Variants in SMG6 observed in about 807,000 individuals in gnomAD.
SMG6 encodes SMG6 nonsense mediated mRNA decay factor, also known as telomerase-binding protein EST1A.
In SMG6, 66 loss-of-function variants were observed where a neutral mutation model predicts 142.2. The observed-to-expected ratio is 0.46, with a 90% CI of 0.38 to 0.57. SMG6 has a LOEUF of 0.57. SMG6 is among the 20% of genes least tolerant of loss of function. The pLI, the probability that SMG6 is intolerant of heterozygous loss-of-function variation, is 0.00. For missense variants in SMG6, 1,793 were observed against 1,832.0 expected (o/e 0.98, Z 0.39); for synonymous variants, 779 against 702.4 (o/e 1.11, Z -1.72).
intron 15 of SMG6, among the ~76,000 whole-genome samples, chr17:2,069,988 A>C (rs1426755908): frequency 6.6e-6 from 1 of 152,210 alleles, no homozygotes; most frequent in South Asian, 2.1e-4. Context: ...TCATATGCTT[A>C]CTAGTGCAAG....
chr17:2,210,541 G>A (rs1301068916), intron 10 of SMG6, among the ~76,000 whole-genome samples: 1 of 151,908 alleles, frequency 6.6e-6, no homozygotes, highest in African/African-American at 2.4e-5. Flanking sequence ...TTGCGAGGGT[G>A]CACAGAGATG....
intron 15 of SMG6, among the ~76,000 whole-genome samples, chr17:2,076,755 A>G (rs1414546549): frequency 6.6e-6 from 1 of 152,188 alleles, no homozygotes; most frequent in Non-Finnish European, 1.5e-5. Flanking sequence ...TGTGGCTGTG[A>G]GGCTGGAGGA....
At chr17:2,223,832 G>C (rs988783858) in intron 10 of SMG6, among the ~76,000 whole-genome samples, 1 of 152,138 alleles carries the variant, frequency 6.6e-6, no homozygotes, top group Admixed American at 6.5e-5. Context: ...AGCTGGAAAA[G>C]AAACTAATCT....
chr17:2,204,516 TTAAAG>T (rs1045498750), intron 10 of SMG6, among the ~76,000 whole-genome samples: 3 of 152,126 alleles, frequency 2.0e-5, no homozygotes, highest in Non-Finnish European at 4.4e-5. Context: ...GCATCTAGTT[TTAAAG>T]TAGAGGTCAG....
intron 9 of SMG6, chr17:2,236,915 T>C (rs948889694): frequency 1.0e-6 from 1 of 958,718 alleles, no homozygotes; most frequent in Middle Eastern, 4.4e-4. Flanking sequence ...TGGTATGCTA[T>C]TTCCTCACCC....
intron 10 of SMG6, chr17:2,233,021 G>C (rs1488293590): frequency 6.6e-6 from 1 of 152,214 alleles, no homozygotes; most frequent in African/African-American, 2.4e-5. Context: ...TTTCCATCCT[G>C]GATTACTGAT....
chr17:2,201,670 C>A (rs553849628), intron 10 of SMG6, among the ~76,000 whole-genome samples: 2 of 133,398 alleles, frequency 1.5e-5, no homozygotes, highest in African/African-American at 2.9e-5. Context: ...CAAAGTGAGA[C>A]TTGATTCAAA....
chr17:2,064,822 G>A (rs2067890874), intron 18 of SMG6, among the ~76,000 whole-genome samples: 1 of 151,716 alleles, frequency 6.6e-6, no homozygotes, highest in Non-Finnish European at 1.5e-5. Flanking sequence ...GCGGGGTGAA[G>A]AACCTCGCGG....
intron 13 of SMG6, among the ~76,000 whole-genome samples, chr17:2,104,202 C>A (rs948203547): frequency 6.6e-6 from 1 of 152,070 alleles, no homozygotes; most frequent in Non-Finnish European, 1.5e-5. Context: ...CCGCCCACCT[C>A]GGCCTCCCAA....
intron 6 of SMG6, among the ~76,000 whole-genome samples, chr17:2,292,026 A>G (rs542672306): frequency 2.0e-5 from 3 of 152,184 alleles, no homozygotes; most frequent in South Asian, 4.1e-4. Flanking sequence ...CATTACAGAC[A>G]TATTTAGAGC....
At chr17:2,081,695 C>T (rs1322680073) in intron 15 of SMG6, 115 bp downstream of exon 15, 3 of 1,259,086 alleles carry the variant, frequency 2.4e-6, no homozygotes, top group African/African-American at 1.5e-5. Flanking sequence ...AGAGAGAACA[C>T]TGCAGGACTG....
chr17:2,092,791 G>A (rs1323033711), intron 13 of SMG6, among the ~76,000 whole-genome samples: 2 of 152,244 alleles, frequency 1.3e-5, no homozygotes, highest in Non-Finnish European at 2.9e-5. Context: ...GGGCTTCATA[G>A]TTACACAGAC....
Position 2,109,713 on chromosome 17 carries a change from G to T in SMG6, c.3358-23812C>A, listed in dbSNP as rs551827236. 2.0e-5 allele frequency among the ~76,000 whole-genome samples: 3 copies of T among 152,236 alleles called. No homozygotes were observed. In the South Asian group the frequency reaches 6.2e-4, roughly 32 times the overall value. On this transcript the variant is annotated intron_variant, in intron 13 of 18. Coordinates refer to ENST00000263073, the MANE Select transcript of SMG6 (RefSeq NM_017575.5). ...TAAACTACTTTGAAGTATAGTTTCA[G>T]TGCTTTATACTGACAAAACAGAGAC... is the stretch of plus-strand genomic sequence containing the variant.
chr17:2,282,812 A>T lies in SMG6; in HGVS notation c.2496T>A (p.Pro832=), dbSNP rs778238529. ...KKQHEEFDLS[P]DQWRKGKKST... ...ACTTCTTTCCTTTCCGCCACTGGTC[A>T]GGGCTCAGGTCAAATTCCTCATGTT... The change falls in exon 8 of 19, where the codon CCT becomes CCA. Residue 832 remains proline (P), a synonymous_variant. Transcript: ENST00000263073. 1 of 1,614,192 alleles carries T rather than the reference A, an allele frequency of 6.2e-7. No individual in the cohort carries two copies. Among genetic ancestry groups the T allele is most frequent in the African/African-American group, 1.3e-5 (1 of 75,052 alleles).
At chr17:2,274,479 A>C (rs774534731) in intron 8 of SMG6, among the ~76,000 whole-genome samples, 23 of 152,232 alleles carry the variant, frequency 1.5e-4, no homozygotes, top group Non-Finnish European at 3.1e-4. Context: ...TAACAGAAGG[A>C]AGAAGAGCAA....
At position 2,156,266 on chromosome 17, in the gene SMG6, T is replaced by C. The variant is rs550299546; in HGVS notation, c.3357+16392A>G. ...AAATTAGCCGGGCGTGGTCAGTGGG[T>C]GCCTGTAACCCCAGCTACTCCGGAG... On this transcript the variant is annotated intron_variant, in intron 13 of 18. Coordinates refer to ENST00000263073, the MANE Select transcript of SMG6 (RefSeq NM_017575.5). 3.3e-5 allele frequency among the ~76,000 whole-genome samples: 5 copies of C among 150,250 alleles called. No homozygotes were observed. The East Asian group carries it at 9.8e-4, about 29-fold the overall frequency.
intron 13 of SMG6, among the ~76,000 whole-genome samples, chr17:2,104,807 C>A (rs559025149): frequency 2.6e-5 from 4 of 152,174 alleles, no homozygotes; most frequent in African/African-American, 9.6e-5. Context: ...GGGCTTTGAA[C>A]CCAGATTTGT....
chr17:2,155,705 G>A (rs1272584359), intron 13 of SMG6, among the ~76,000 whole-genome samples: 1 of 152,168 alleles, frequency 6.6e-6, no homozygotes, highest in South Asian at 2.1e-4. Context: ...TTCAAGAGAG[G>A]AAGGAAATGG....
Position 2,085,989 on chromosome 17 carries a change from G to C in SMG6, c.3358-88C>G, listed in dbSNP as rs2068550963. On this transcript the variant is annotated intron_variant, in intron 13 of 18. Coordinates refer to ENST00000263073, the MANE Select transcript of SMG6 (RefSeq NM_017575.5). The surrounding 1 kb of genome is among the most constrained non-coding windows in gnomAD (Gnocchi z 4.1). The stretch of plus-strand genomic sequence containing the variant: ...GTTGCTTGCCGGCTGAGGGGCACAG[G>C]GGAACTGTGTCAAAGCTACCAGGCA... 1.5e-6 allele frequency: 2 copies of C among 1,360,570 alleles called. No individual in the cohort carries two copies. Among genetic ancestry groups the C allele is most frequent in the East Asian group, 2.3e-5 (1 of 43,680 alleles). The allele number at this position is 1,360,570 out of a possible 1,614,324, so 84.3% of individuals were successfully genotyped here.
Sources: allele counts gnomAD v4.1 joint callset (sites outside exome capture counted in the v4.1 genomes callset), GRCh38; gene constraint gnomAD v4.1.1; non-coding constraint Gnocchi (gnomAD v3.1); transcripts MANE v1.5; gene names NCBI Gene and HGNC (gene_info 2026-07-23, HGNC 2026-07-21).